Variants in RIMS2 observed in about 807,000 individuals in gnomAD.
RIMS2 encodes regulating synaptic membrane exocytosis protein 2.
RIMS2 carries 59 observed loss-of-function variants against 174.4 expected under a neutral mutation model. The ratio of observed to expected loss-of-function variants is 0.34; its 90% CI spans 0.27 to 0.42. The LOEUF (loss-of-function observed/expected upper bound fraction) is 0.42. Ranked by LOEUF, RIMS2 falls within the 10% of genes least tolerant of loss-of-function variation. RIMS2 has a pLI of 1.00. For synonymous variants in RIMS2, 606 were observed against 572.5 expected, an observed-to-expected ratio of 1.06 and a Z score of -0.84; for missense variants, 1,620 against 1,666.3, an observed-to-expected ratio of 0.97 and a Z score of 0.48.
chr8:104,011,457 T>C (rs1329442487), intron 17 of RIMS2, among the ~76,000 whole-genome samples: 1 of 152,126 alleles, frequency 6.6e-6, no homozygotes, highest in East Asian at 1.9e-4. Flanking sequence ...ACATTTTTTG[T>C]AAGAGCTACT....
chr8:104,076,474 G>A (rs900828018), intron 19 of RIMS2, among the ~76,000 whole-genome samples: 1 of 152,064 alleles, frequency 6.6e-6, no homozygotes, highest in Non-Finnish European at 1.5e-5. Flanking sequence ...CAAGAGAGAA[G>A]GAGCCATTGG....
At chr8:103,939,228 A>G (rs890591957) in intron 13 of RIMS2, among the ~76,000 whole-genome samples, 1 of 152,230 alleles carries the variant, frequency 6.6e-6, no homozygotes, top group South Asian at 2.1e-4. Flanking sequence ...TTTTACCTGG[A>G]CATCCAGGCA....
At chr8:103,688,118 A>T (rs1255248658) in intron 1 of RIMS2, among the ~76,000 whole-genome samples, 1 of 152,084 alleles carries the variant, frequency 6.6e-6, no homozygotes, top group East Asian at 1.9e-4. Flanking sequence ...TCTTGCTAGG[A>T]TTTCCATTAC....
Position 103,698,256 on chromosome 8 carries a change from G to A in RIMS2, c.387+960G>A, listed in dbSNP as rs73289984. Among the ~76,000 whole-genome samples, 764 of 152,050 alleles carry A rather than the reference G, an allele frequency of 5.0e-3. 8 individuals are homozygous for A. Among genetic ancestry groups the A allele is most frequent in the African/African-American group, 0.017 (725 of 41,456 alleles). ...ATTTTTTTTCTTGACTAGGTACATT[G>A]GCTAGAAACTGCAGTATAATTTTGA... On this transcript the variant is annotated intron_variant, in intron 2 of 23. Coordinates refer to ENST00000504942, the Ensembl canonical transcript of RIMS2.
intron 3 of RIMS2, among the ~76,000 whole-genome samples, chr8:103,810,656 A>T (rs1223318847): frequency 1.3e-5 from 2 of 152,212 alleles, no homozygotes; most frequent in Non-Finnish European, 2.9e-5. Flanking sequence ...GATACTAAAA[A>T]GGTTACTTTA....
At chr8:103,836,222 T>C (rs1323419608) in intron 3 of RIMS2, among the ~76,000 whole-genome samples, 1 of 152,198 alleles carries the variant, frequency 6.6e-6, no homozygotes, top group African/African-American at 2.4e-5. Flanking sequence ...TGCTGAAGAA[T>C]TTTATGATAA....
At chr8:104,169,332 AT>A (rs2098817992) in intron 19 of RIMS2, among the ~76,000 whole-genome samples, 4 of 39,904 alleles carry the variant, frequency 1.0e-4, no homozygotes, top group African/African-American at 3.9e-4. Context: ...ATATATATAT[AT>A]ATATATAAAA....
At chr8:103,781,106 G>T (rs1395750523) in intron 3 of RIMS2, among the ~76,000 whole-genome samples, 1 of 152,188 alleles carries the variant, frequency 6.6e-6, no homozygotes, top group East Asian at 1.9e-4. Context: ...ACCTCCTGTA[G>T]CATGGTGCTG....
chr8:103,641,665 A>G (rs1414552366), intron 1 of RIMS2, among the ~76,000 whole-genome samples: 1 of 152,062 alleles, frequency 6.6e-6, no homozygotes, highest in African/African-American at 2.4e-5. Flanking sequence ...TCATAAGTAG[A>G]TTAATGCCAT....
chr8:103,755,113 A>C (rs1349069146), intron 2 of RIMS2, among the ~76,000 whole-genome samples: 1 of 152,150 alleles, frequency 6.6e-6, no homozygotes, highest in South Asian at 2.1e-4. Context: ...AGCTCTTGTA[A>C]GACAGGCCTG....
At chr8:104,204,743 C>T (rs932935327) in intron 19 of RIMS2, among the ~76,000 whole-genome samples, 13 of 152,114 alleles carry the variant, frequency 8.5e-5, no homozygotes, top group African/African-American at 3.1e-4. Flanking sequence ...AGAACTGAGC[C>T]TAGAGAAGAA....
chr8:103,981,363 C>A (rs1056461130), intron 16 of RIMS2, among the ~76,000 whole-genome samples: 1 of 152,160 alleles, frequency 6.6e-6, no homozygotes, highest in Admixed American at 6.5e-5. Context: ...CTGCAAAAAA[C>A]ACAGCATTAT....
At chr8:103,744,717 A>G (rs1356334994) in intron 2 of RIMS2, among the ~76,000 whole-genome samples, 1 of 152,218 alleles carries the variant, frequency 6.6e-6, no homozygotes, top group Non-Finnish European at 1.5e-5. Flanking sequence ...AGAGACAGGC[A>G]TGCCAATGAG....
intron 3 of RIMS2, among the ~76,000 whole-genome samples, chr8:103,786,497 C>T (rs1250476489): frequency 2.6e-5 from 4 of 152,070 alleles, no homozygotes; most frequent in Non-Finnish European, 4.4e-5. Context: ...TTTCAAAGAA[C>T]ATCTTTATTT....
At chr8:104,239,789 C>T (rs907597896) in intron 19 of RIMS2, among the ~76,000 whole-genome samples, 16 of 152,140 alleles carry the variant, frequency 1.1e-4, no homozygotes, top group Admixed American at 5.9e-4. Flanking sequence ...TATTAATTCA[C>T]AGTTCTGTAG....
intron 11 of RIMS2, 60 bp from the exon 14 acceptor site, chr8:103,931,203 T>C (rs775312580): frequency 3.9e-6 from 5 of 1,274,278 alleles, no homozygotes; most frequent in Non-Finnish European, 4.5e-6. Flanking sequence ...ATTGGAAAAG[T>C]AAACATTGTG....
At chr8:103,983,777 C>A (rs1462970380) in intron 16 of RIMS2, among the ~76,000 whole-genome samples, 1 of 152,138 alleles carries the variant, frequency 6.6e-6, no homozygotes, top group East Asian at 1.9e-4. Context: ...AAATCTAATA[C>A]CTAAATCTAT....
chr8:104,188,187 G>A (rs1388291692), intron 19 of RIMS2, among the ~76,000 whole-genome samples: 3 of 151,264 alleles, frequency 2.0e-5, no homozygotes, highest in Non-Finnish European at 4.4e-5. Context: ...AGGCGAAGTA[G>A]GAATGAAGAA....
At chr8:103,891,183 A>G (rs2099242997) in intron 4 of RIMS2, among the ~76,000 whole-genome samples, 1 of 152,200 alleles carries the variant, frequency 6.6e-6, no homozygotes, top group Admixed American at 6.6e-5. Context: ...AGTAGACTAG[A>G]ATAGAGTAGA....
Sources: allele counts gnomAD v4.1 joint callset (sites outside exome capture counted in the v4.1 genomes callset), GRCh38; gene constraint gnomAD v4.1.1; transcripts MANE v1.5; gene names NCBI Gene and HGNC (gene_info 2026-07-23, HGNC 2026-07-21).